PCDHA7: variants seen among roughly 807,000 people sequenced by gnomAD.
PCDHA7 encodes the protein protocadherin alpha-7.
PCDHA7 carries 37 observed loss-of-function variants against 57.2 expected under a neutral mutation model. That is an observed-to-expected ratio of 0.65 (90% confidence interval 0.50 to 0.85). The LOEUF (loss-of-function observed/expected upper bound fraction) is 0.85, where lower values mean the gene tolerates loss of function less well. PCDHA7 is among the 40% of genes least tolerant of loss of function. The pLI, the probability that PCDHA7 is intolerant of heterozygous loss-of-function variation, is 0.00. For missense variants in PCDHA7, 1,188 were observed against 1,241.8 expected (o/e 0.96, Z 0.65); for synonymous variants, 553 against 558.8 (o/e 0.99, Z 0.15).
chr5:140,843,046 C>T lies in PCDHA7; in HGVS notation c.2355+6308C>T, dbSNP rs2150350953. ...AGCCTCGGGTGGGTGGCACTGGTGGCGCAGCGAGCAAGCTGGTGCCGCGGT... is the reference window on the plus strand; with the variant it reads ...AGCCTCGGGTGGGTGGCACTGGTGGTGCAGCGAGCAAGCTGGTGCCGCGGT... On this transcript the variant is annotated intron_variant, in intron 1 of 3. Transcript: ENST00000525929. The T allele has an allele frequency of 2.5e-6, 4 of 1,594,998 alleles. 1 individual carries two copies. The highest frequency in any genetic ancestry group is 1.7e-5 in the Admixed American group (1 of 59,286).
intron 3 of PCDHA7, among the ~76,000 whole-genome samples, chr5:141,000,411 A>T (rs2097918603): frequency 1.1e-5 from 1 of 94,870 alleles, no homozygotes; most frequent in African/African-American, 4.4e-5. Flanking sequence ...ATATATATAT[A>T]TATATATATA....
chr5:140,887,880 G>A (rs2061617016), intron 1 of PCDHA7, among the ~76,000 whole-genome samples: 1 of 151,970 alleles, frequency 6.6e-6, no homozygotes, highest in African/African-American at 2.4e-5. Flanking sequence ...TCCTTTTGTA[G>A]TATCATATCT....
intron 1 of PCDHA7, chr5:140,966,877 T>A (rs782616985): frequency 6.3e-7 from 1 of 1,586,572 alleles, no homozygotes; most frequent in Admixed American, 1.8e-5. Context: ...TGCTGCTACC[T>A]GGCCCTGCGG....
rs2150311010 is a variant in PCDHA7 at position 140,841,095 on chromosome 5, A to G, written c.2355+4357A>G. On this transcript the variant is annotated intron_variant, in intron 1 of 3. Transcript: ENST00000525929. ...ATAGAAAGTGCATAGAAGAACCCAGATATTGCGGAAGTAATTCATGTAATC... is the reference window on the plus strand; with the variant it reads ...ATAGAAAGTGCATAGAAGAACCCAGGTATTGCGGAAGTAATTCATGTAATC... The G allele has an allele frequency of 8.8e-5, 50 of 569,466 alleles. 1 individual carries two copies. The highest frequency in any genetic ancestry group is 1.5e-4 in the Non-Finnish European group (49 of 329,750). The allele number at this position is 569,466 out of a possible 1,614,324, so 35.3% of individuals were successfully genotyped here. A position where few individuals can be genotyped will look rare whatever the true frequency, so the allele number is the denominator to read the frequency against.
At chr5:140,875,979 C>T in intron 1 of PCDHA7, 5 of 1,613,984 alleles carry the variant, frequency 3.1e-6, no homozygotes, top group Non-Finnish European at 4.2e-6. Context: ...CTCTTTTGAC[C>T]TATGCGTTAA....
chr5:140,921,367 T>A (rs1165325497), intron 1 of PCDHA7, among the ~76,000 whole-genome samples: 1 of 152,182 alleles, frequency 6.6e-6, no homozygotes, highest in Non-Finnish European at 1.5e-5. Context: ...TCAAGTTTCA[T>A]ATTTCTACAT....
intron 1 of PCDHA7, chr5:140,857,813 G>C: frequency 1.9e-6 from 3 of 1,597,816 alleles, no homozygotes; most frequent in Non-Finnish European, 2.6e-6. Context: ...TGCGGGTCAC[G>C]TGGTGGCTAA....
intron 1 of PCDHA7, chr5:140,871,714 T>G (rs938500670): frequency 2.5e-6 from 2 of 805,644 alleles, no homozygotes; most frequent in African/African-American, 3.5e-5. Context: ...AATGTCCTAT[T>G]TCTCTTAATA....
At position 140,836,721 on chromosome 5, in the gene PCDHA7, C is replaced by G; in HGVS notation, c.2338C>G (p.Pro780Ala). ...CTTCAGTCCCAGCCTTCCTCAGGGT[C>G]CATCCTCTACAGACAATGTGAGTCA... Reference protein sequence around the residue: ...MAFSPSLPQGPSSTDNPRQPN... With the variant: ...MAFSPSLPQGASSTDNPRQPN... Residue 780 changes from proline (P) to alanine (A), a missense_variant, in exon 1 of 4, where the codon CCA (proline) becomes GCA (alanine). Physicochemically the swap from Pro to Ala is conservative, Grantham distance 27. This residue lies in a region of PCDHA7 where 892 missense variants were observed against 788.5 expected (regional missense o/e 1.13). Transcript: ENST00000525929. The G allele has an allele frequency of 1.9e-6, 3 of 1,612,166 alleles. No homozygotes were observed. The highest frequency in any genetic ancestry group is 2.5e-6 in the Non-Finnish European group (3 of 1,178,794).
intron 3 of PCDHA7, among the ~76,000 whole-genome samples, chr5:140,999,140 G>A (rs1473682487): frequency 6.6e-6 from 1 of 152,164 alleles, no homozygotes; most frequent in African/African-American, 2.4e-5. Context: ...TGTCACAGCC[G>A]GAAGTCTTCA....
chr5:140,923,832 T>C (rs1584323997), intron 1 of PCDHA7, among the ~76,000 whole-genome samples: 1 of 152,306 alleles, frequency 6.6e-6, no homozygotes, highest in East Asian at 1.9e-4. Context: ...TCAGTGGCAG[T>C]TTAAATAGAG....
chr5:140,880,822 A>T (rs893258483), intron 1 of PCDHA7, among the ~76,000 whole-genome samples: 2 of 152,206 alleles, frequency 1.3e-5, no homozygotes, highest in Non-Finnish European at 2.9e-5. Flanking sequence ...GAGTGTCTGG[A>T]AGGGCATATT....
intron 1 of PCDHA7, among the ~76,000 whole-genome samples, chr5:140,916,329 T>C (rs1554197398): frequency 6.6e-6 from 1 of 152,178 alleles, no homozygotes; most frequent in African/African-American, 2.4e-5. Context: ...TCCCCTTTAC[T>C]TTTTCCTCTG....
intron 2 of PCDHA7, 171 bp downstream of exon 2, chr5:140,979,178 G>T: frequency 1.1e-6 from 1 of 944,140 alleles, no homozygotes; most frequent in Non-Finnish European, 1.3e-6. Flanking sequence ...GATCGCAAAT[G>T]GTCAGTGCCA....
At position 140,834,582 on chromosome 5, in the gene PCDHA7, G is replaced by C. The variant is rs1554134344; in HGVS notation, c.199G>C (p.Val67Leu). ...GCTGGTGCCGCGCCTGTTCCGGGCG[G>C]TGTGCAAATTCCGTGGGGATCTTCT... ...AELVPRLFRA[V>L]CKFRGDLLEV... Residue 67 changes from valine to leucine, a missense_variant, in exon 1 of 4, where the codon GTG (valine) becomes CTG (leucine). Around this residue, in one of 3 missense-constraint regions of PCDHA7, gnomAD observed 194 missense variants for 185.8 expected, o/e 1.04. Coordinates refer to ENST00000525929, the MANE Select transcript of PCDHA7 (RefSeq NM_018910.3). 9 of 1,614,016 alleles carry C rather than the reference G, an allele frequency of 5.6e-6. No homozygotes were observed. Among genetic ancestry groups the C allele is most frequent in the Non-Finnish European group, 7.6e-6 (9 of 1,180,014 alleles).
chr5:140,935,561 T>C (rs1184981109), intron 1 of PCDHA7, among the ~76,000 whole-genome samples: 3 of 152,218 alleles, frequency 2.0e-5, no homozygotes, highest in African/African-American at 7.2e-5. Context: ...TTGGAAAAGT[T>C]CCTCTCTGTG....
chr5:140,902,676 C>T (rs781793838), intron 1 of PCDHA7, among the ~76,000 whole-genome samples: 7 of 152,040 alleles, frequency 4.6e-5, no homozygotes, highest in Non-Finnish European at 7.4e-5. Context: ...CAGTGTACAC[C>T]GTACCTAATA....
intron 1 of PCDHA7, chr5:140,929,236 A>C (rs782440521): frequency 3.1e-6 from 5 of 1,613,890 alleles, no homozygotes; most frequent in Non-Finnish European, 3.4e-6. Flanking sequence ...CGACCTGCGA[A>C]ATCTTGCCAC....
chr5:140,972,072 T>C (rs1380413898), intron 1 of PCDHA7, among the ~76,000 whole-genome samples: 1 of 152,212 alleles, frequency 6.6e-6, no homozygotes, highest in Non-Finnish European at 1.5e-5. Flanking sequence ...ATTAACTGCT[T>C]TTGGAAAAAG....
Sources: allele counts gnomAD v4.1 joint callset (sites outside exome capture counted in the v4.1 genomes callset), GRCh38; gene constraint gnomAD v4.1.1; regional missense constraint gnomAD v4.1.1; transcripts MANE v1.5; gene names NCBI Gene and HGNC (gene_info 2026-07-23, HGNC 2026-07-21).